Variants in VPS13A observed in about 807,000 individuals in gnomAD.
VPS13A encodes the protein intermembrane lipid transfer protein VPS13A.
A neutral mutation model predicts 390.9 loss-of-function variants in VPS13A; 264 were observed. The observed-to-expected ratio is 0.68, with a 90% confidence interval of 0.61 to 0.75. VPS13A has a LOEUF of 0.75. Ranked by LOEUF, VPS13A falls within the 30% of genes least tolerant of loss-of-function variation. The pLI is 0.00. For synonymous variants in VPS13A, 1,231 were observed against 1,227.1 expected (o/e 1.00, Z -0.07); for missense variants, 3,409 against 3,733.9 (o/e 0.91, Z 2.27).
At chr9:77,316,514 A>C (rs1829397717) in intron 39 of VPS13A, 108 bp downstream of exon 39, 1 of 908,652 alleles carries the variant, frequency 1.1e-6, no homozygotes, top group Non-Finnish European at 1.8e-6. Flanking sequence ...TGCTCTGTAA[A>C]ATGTCTTTCT....
chr9:77,296,855 A>C (rs899142978), intron 33 of VPS13A, among the ~76,000 whole-genome samples: 8 of 152,074 alleles, frequency 5.3e-5, no homozygotes, highest in Non-Finnish European at 8.8e-5. Flanking sequence ...GGGGCTATTC[A>C]AGTTATTTTT....
At position 77,295,607 on chromosome 9, in the gene VPS13A, A is replaced by T. The variant is rs779866608; in HGVS notation, c.3573A>T (p.Gly1191=). Residue 1191 remains glycine (G), a synonymous_variant, in exon 33 of 72, where the codon GGA becomes GGT. Coordinates refer to ENST00000360280, the MANE Select transcript of VPS13A (RefSeq NM_033305.3). Reference sequence around the variant, plus strand: ...CTGAGGCAACTGTTCAGGCAGCTGGAATGGCTGCTACTGGTGTAAAAGAAC... The same window carrying T: ...CTGAGGCAACTGTTCAGGCAGCTGGTATGGCTGCTACTGGTGTAAAAGAAC... ...ALAEATVQAA[G]MAATGVKELA... 1 of 1,613,754 alleles carries T rather than the reference A, an allele frequency of 6.2e-7. No homozygotes were observed. The highest frequency in any genetic ancestry group is 1.1e-5 in the South Asian group (1 of 91,066).
intron 34 of VPS13A, among the ~76,000 whole-genome samples, chr9:77,305,218 G>A (rs548076965): frequency 3.3e-5 from 5 of 152,190 alleles, no homozygotes; most frequent in Admixed American, 1.3e-4. Flanking sequence ...GATTACAGGC[G>A]TGAGCCATCA....
intron 51 of VPS13A, 106 bp from the exon 52 acceptor site, chr9:77,344,903 C>A: frequency 7.6e-7 from 1 of 1,312,704 alleles, no homozygotes; most frequent in Non-Finnish European, 1.1e-6. Context: ...CTCAGTCATC[C>A]CAAAAATTAA....
At chr9:77,272,599 A>T (rs1472459346) in intron 23 of VPS13A, among the ~76,000 whole-genome samples, 1 of 152,208 alleles carries the variant, frequency 6.6e-6, no homozygotes, top group African/African-American at 2.4e-5. Flanking sequence ...TATATGCTAC[A>T]GTTTGGAAAG....
intron 19 of VPS13A, among the ~76,000 whole-genome samples, chr9:77,246,856 T>C (rs1824846167): frequency 6.6e-6 from 1 of 152,192 alleles, no homozygotes; most frequent in Non-Finnish European, 1.5e-5. Flanking sequence ...CTCAGAATAA[T>C]ATTAAGATCA....
At chr9:77,203,258 A>G (rs553106842) in intron 3 of VPS13A, among the ~76,000 whole-genome samples, 5 of 152,260 alleles carry the variant, frequency 3.3e-5, no homozygotes, top group East Asian at 3.9e-4. Context: ...CTAGGAGTCT[A>G]CATTTTATAA....
rs1170708959 is a variant in VPS13A at position 77,319,717 on chromosome 9, T to C, written c.5415+44T>C. On this transcript the variant is annotated intron_variant, in intron 42 of 71. Transcript: ENST00000360280. ...ATGTGTGTATATATATATATATGTA[T>C]TTTAAAAGACTTTATTTTTTTAAGA... 6 of 1,053,288 alleles carry C rather than the reference T, an allele frequency of 5.7e-6. No homozygotes were observed. In the East Asian group the frequency reaches 1.6e-4, roughly 28 times the overall value. 65.2% of individuals were successfully genotyped at this position (1,053,288 alleles called of 1,614,324 possible).
At chr9:77,242,549 ATTC>A (rs1367110288) in intron 19 of VPS13A, among the ~76,000 whole-genome samples, 1 of 152,006 alleles carries the variant, frequency 6.6e-6, no homozygotes, top group African/African-American at 2.4e-5. Context: ...TTATTCCTGT[ATTC>A]TTTGTTAAAA....
intron 46 of VPS13A, among the ~76,000 whole-genome samples, chr9:77,336,845 G>A (rs1241165129): frequency 7.2e-6 from 1 of 139,098 alleles, no homozygotes; most frequent in African/African-American, 2.8e-5. Context: ...CGCCCAGGCT[G>A]GAGTGCAGTG....
intron 32 of VPS13A, among the ~76,000 whole-genome samples, chr9:77,294,889 T>A (rs11145377): frequency 0.19 from 28,551 of 151,788 alleles, 2,861 homozygotes; most frequent in Middle Eastern, 0.26. Context: ...ATTTTTTTTT[T>A]AAGACACGAT....
rs752906290 is a variant in VPS13A at position 77,344,997 on chromosome 9, T to C, written c.7156-12T>C. On this transcript the variant is annotated splice_polypyrimidine_tract_variant and intron_variant, in intron 51 of 71. Coordinates refer to ENST00000360280, the MANE Select transcript of VPS13A (RefSeq NM_033305.3). ...TGATTACATTAAAATGTTTTCTTTT[T>C]CTTTCTTCTAGCTTGGAGGTATTAT... The C allele has an allele frequency of 1.6e-5, 25 of 1,609,952 alleles. No homozygotes were observed. In the South Asian group the frequency reaches 2.7e-4, roughly 18 times the overall value.
At chr9:77,264,277 G>A (rs938455058) in intron 23 of VPS13A, among the ~76,000 whole-genome samples, 1 of 152,118 alleles carries the variant, frequency 6.6e-6, no homozygotes, top group African/African-American at 2.4e-5. Flanking sequence ...TGGCTATACG[G>A]GCTCTTTTTT....
chr9:77,313,605 C>T (rs1564719407), intron 35 of VPS13A, among the ~76,000 whole-genome samples: 2 of 152,090 alleles, frequency 1.3e-5, no homozygotes, highest in East Asian at 1.9e-4. Flanking sequence ...AAAAATGTCT[C>T]TTGGTTTTAG....
intron 19 of VPS13A, among the ~76,000 whole-genome samples, chr9:77,239,596 T>A (rs1245920394): frequency 6.6e-6 from 1 of 151,936 alleles, no homozygotes. Context: ...TTTTTTCTTA[T>A]ATTTTTACTT....
chr9:77,226,722 T>TAC (rs1429857903), intron 15 of VPS13A, 124 bp downstream of exon 15: 1 of 819,588 alleles, frequency 1.2e-6, no homozygotes, highest in Non-Finnish European at 1.7e-6. Flanking sequence ...ATAAAGTTAT[T>TAC]ACAAATAAAA....
intron 31 of VPS13A, among the ~76,000 whole-genome samples, chr9:77,291,874 T>C (rs78009257): frequency 0.02 from 3,110 of 152,278 alleles, 68 homozygotes; most frequent in African/African-American, 0.056. Flanking sequence ...CTGATTGATA[T>C]CTCTCGTATT....
intron 68 of VPS13A, among the ~76,000 whole-genome samples, chr9:77,395,109 A>G (rs4744831): frequency 0.27 from 40,383 of 152,178 alleles, 6,029 homozygotes; most frequent in East Asian, 0.46. Context: ...TGTTTGGTAC[A>G]AGAGGTACTA....
At chr9:77,299,567 T>C (rs967769833) in intron 33 of VPS13A, among the ~76,000 whole-genome samples, 3 of 152,220 alleles carry the variant, frequency 2.0e-5, no homozygotes, top group African/African-American at 7.2e-5. Flanking sequence ...AGCCATCCCA[T>C]TATTGGGTAT....
Sources: allele counts gnomAD v4.1 joint callset (sites outside exome capture counted in the v4.1 genomes callset), GRCh38; gene constraint gnomAD v4.1.1; transcripts MANE v1.5; gene names NCBI Gene and HGNC (gene_info 2026-07-23, HGNC 2026-07-21).